Variants in EYA1 observed in about 807,000 individuals in gnomAD.
EYA1 encodes EYA transcriptional coactivator and phosphatase 1, also known as protein phosphatase EYA1.
EYA1 carries 16 observed loss-of-function variants against 82.0 expected under a neutral mutation model. That is an observed-to-expected ratio of 0.20 (90% CI 0.13 to 0.30). The LOEUF is 0.30. Among genes scored for constraint, EYA1 ranks in the 10% least tolerant of loss-of-function variants. EYA1 has a pLI of 1.00. For synonymous variants in EYA1, 261 were observed against 264.4 expected, an observed-to-expected ratio of 0.99 and a Z score of 0.12; for missense variants, 633 against 730.7, an observed-to-expected ratio of 0.87 and a Z score of 1.54.
intron 2 of EYA1, chr8:71,529,680 TCAG>T (rs1814105164): frequency 1.3e-5 from 2 of 152,188 alleles, no homozygotes; most frequent in African/African-American, 4.8e-5. Context: ...CCAGGACCGG[TCAG>T]AGGTTTTCTT....
chr8:71,226,537 C>T (rs1810576757), intron 12 of EYA1, among the ~76,000 whole-genome samples: 1 of 151,186 alleles, frequency 6.6e-6, no homozygotes, highest in South Asian at 2.1e-4. Context: ...AAAAGAAAGT[C>T]TCACTTAATG....
rs1563383057 is a variant in EYA1 at position 71,277,115 on chromosome 8, A to ATGCTT, written c.827-5219_827-5218insAAGCA. Among the ~76,000 whole-genome samples the ATGCTT allele has an allele frequency of 4.2e-4, 32 of 76,946 alleles. 1 individual carries two copies. The highest frequency in any genetic ancestry group is 1.6e-3 in the African/African-American group (30 of 18,774). The allele number at this position is 76,946 out of a possible 152,430, so 50.5% of individuals were successfully genotyped here. A position where few individuals can be genotyped will look rare whatever the true frequency, so the allele number is the denominator to read the frequency against. ...GCCATGCTATTTCATGGCTTCACAC[A>ATGCTT]TTTTTTTTTTTTTTTTTTTTTTTTT... is the stretch of plus-strand genomic sequence containing the variant. On this transcript the variant is annotated intron_variant, in intron 9 of 17. Transcript: ENST00000340726.
chr8:71,318,592 A>T (rs1273162206), intron 6 of EYA1, among the ~76,000 whole-genome samples: 1 of 152,212 alleles, frequency 6.6e-6, no homozygotes, highest in Non-Finnish European at 1.5e-5. Flanking sequence ...AAAGACAGTC[A>T]TACATGTTAA....
intron 2 of EYA1, among the ~76,000 whole-genome samples, chr8:71,480,546 T>C (rs1810056843): frequency 6.6e-6 from 1 of 152,134 alleles, no homozygotes; most frequent in Non-Finnish European, 1.5e-5. Context: ...CCGGAACAAT[T>C]TATTTACCTT....
chr8:71,306,446 G>A (rs538679608), intron 7 of EYA1, among the ~76,000 whole-genome samples: 38 of 152,146 alleles, frequency 2.5e-4, no homozygotes, highest in Non-Finnish European at 5.0e-4. Context: ...CTGAATTGCC[G>A]GGGGTGGGGG....
chr8:71,299,005 T>C, intron 9 of EYA1, 42 bp downstream of exon 9: 1 of 1,589,394 alleles, frequency 6.3e-7, no homozygotes, highest in South Asian at 1.1e-5. Flanking sequence ...TTGAAACCAT[T>C]GAAAATATCA....
At chr8:71,421,974 G>C (rs1217239091) in intron 2 of EYA1, among the ~76,000 whole-genome samples, 2 of 152,210 alleles carry the variant, frequency 1.3e-5, no homozygotes, top group Non-Finnish European at 2.9e-5. Context: ...TTGGGTAGTA[G>C]TTAGACAAAT....
chr8:71,479,994 T>C (rs1810004882), intron 2 of EYA1, among the ~76,000 whole-genome samples: 1 of 152,300 alleles, frequency 6.6e-6, no homozygotes, highest in East Asian at 1.9e-4. Context: ...TCTTCTCTGA[T>C]CTTCATAATC....
intron 2 of EYA1, among the ~76,000 whole-genome samples, chr8:71,477,127 G>A (rs1356049205): frequency 1.3e-5 from 2 of 152,114 alleles, no homozygotes. Flanking sequence ...AACATACAGG[G>A]AGAGACACAG....
At chr8:71,273,322 C>A (rs1816769467) in intron 9 of EYA1, among the ~76,000 whole-genome samples, 1 of 152,328 alleles carries the variant, frequency 6.6e-6, no homozygotes, top group South Asian at 2.1e-4. Flanking sequence ...ATCAACTCCA[C>A]CCCATGGGTT....
At chr8:71,506,246 A>G (rs1812183113) in intron 2 of EYA1, among the ~76,000 whole-genome samples, 1 of 152,216 alleles carries the variant, frequency 6.6e-6, no homozygotes, top group African/African-American at 2.4e-5. Flanking sequence ...CACTATGATG[A>G]GAAATGTCAA....
chr8:71,346,758 G>A (rs2129059087), intron 3 of EYA1, among the ~76,000 whole-genome samples: 1 of 152,172 alleles, frequency 6.6e-6, no homozygotes, highest in African/African-American at 2.4e-5. Context: ...ACAGCCCATA[G>A]CAACTATATG....
intron 2 of EYA1, among the ~76,000 whole-genome samples, chr8:71,481,702 C>T (rs1323636971): frequency 1.3e-5 from 2 of 152,124 alleles, no homozygotes; most frequent in Non-Finnish European, 2.9e-5. Flanking sequence ...CTATCCCCTA[C>T]TTTTCCCGTA....
Position 71,211,156 on chromosome 8 carries a change from C to CT in EYA1, c.1697dup (p.His567AlafsTer65). The CT allele has an allele frequency of 6.2e-7, 1 of 1,600,754 alleles. No homozygotes were observed. The highest frequency in any genetic ancestry group is 8.6e-7 in the Non-Finnish European group (1 of 1,167,960). ...AGATGCACCATCTAGGAATGCTCAC[C>CT]TTTTTTGCTCCTTGTTCTTCTTCTA... On this transcript the variant is annotated frameshift_variant and splice_region_variant, in exon 17 of 18. Transcript: ENST00000340726. LOFTEE classifies it high-confidence loss of function.
intron 5 of EYA1, 129 bp downstream of exon 5, chr8:71,322,070 A>G: frequency 1.8e-6 from 2 of 1,088,502 alleles, no homozygotes; most frequent in South Asian, 1.3e-5. Context: ...TTGTATCAAT[A>G]TGTTTACATC....
chr8:71,356,009 A>G (rs1826836380), intron 2 of EYA1, among the ~76,000 whole-genome samples: 1 of 152,236 alleles, frequency 6.6e-6, no homozygotes, highest in South Asian at 2.1e-4. Context: ...TTACATATAT[A>G]AAGTTAATAC....
intron 2 of EYA1, among the ~76,000 whole-genome samples, chr8:71,493,197 C>T (rs1018150681): frequency 6.6e-6 from 1 of 152,158 alleles, no homozygotes; most frequent in Non-Finnish European, 1.5e-5. Context: ...CATGTCTTGG[C>T]TATCATGAAT....
chr8:71,437,083 TTATATATA>T (rs59140624), intron 2 of EYA1, among the ~76,000 whole-genome samples: 3 of 144,976 alleles, frequency 2.1e-5, no homozygotes, highest in Admixed American at 6.9e-5. Context: ...TCCATCTTGT[TTATATATA>T]TATATATATA....
intron 9 of EYA1, among the ~76,000 whole-genome samples, chr8:71,286,328 A>G (rs1322972124): frequency 1.3e-5 from 2 of 152,242 alleles, no homozygotes; most frequent in African/African-American, 2.4e-5. Context: ...AAGTGTCACA[A>G]GATTCTTTCT....
Sources: allele counts gnomAD v4.1 joint callset (sites outside exome capture counted in the v4.1 genomes callset), GRCh38; gene constraint gnomAD v4.1.1; transcripts MANE v1.5; gene names NCBI Gene and HGNC (gene_info 2026-07-23, HGNC 2026-07-21).